Variants in NCOA1 observed in about 807,000 individuals in gnomAD.
NCOA1 encodes the protein Hin-2 protein.
Under a neutral mutation model 150.9 loss-of-function variants are expected in NCOA1, and 35 were observed. The ratio of observed to expected loss-of-function variants is 0.23; its 90% confidence interval spans 0.18 to 0.31. The LOEUF is 0.31. NCOA1 is among the 10% of genes least tolerant of loss of function. The pLI, the probability that NCOA1 is intolerant of heterozygous loss-of-function variation, is 1.00. For synonymous variants in NCOA1, 590 were observed against 630.0 expected, an observed-to-expected ratio of 0.94 and a Z score of 0.95; for missense variants, 1,491 against 1,749.3, an observed-to-expected ratio of 0.85 and a Z score of 2.63.
chr2:24,587,541 T>C (rs1286682083), intron 3 of NCOA1, among the ~76,000 whole-genome samples: 1 of 152,254 alleles, frequency 6.6e-6, no homozygotes, highest in South Asian at 2.1e-4. Flanking sequence ...TTCTTGTTCC[T>C]TGACTATTAT....
intron 22 of NCOA1, among the ~76,000 whole-genome samples, chr2:24,764,304 A>G (rs1346690034): frequency 1.3e-5 from 2 of 152,268 alleles, no homozygotes; most frequent in Non-Finnish European, 1.5e-5. Flanking sequence ...GCTGAAAGAT[A>G]AAACACATCA....
rs189919140 is a variant in NCOA1 at position 24,524,773 on chromosome 2, A to T, written c.-396+33171A>T. 2.7e-4 allele frequency among the ~76,000 whole-genome samples: 41 copies of T among 151,886 alleles called. 1 individual carries two copies. The East Asian group carries it at 5.2e-3, about 19-fold the overall frequency. ...CACGTACCCACCACAATGCCCAGCT[A>T]ATTTTTTGGTAATTTTGATAGAGAC... is the stretch of plus-strand genomic sequence containing the variant. On this transcript the variant is annotated intron_variant, in intron 1 of 22. Transcript: ENST00000348332.
At chr2:24,561,177 G>A (rs375453239) in intron 1 of NCOA1, among the ~76,000 whole-genome samples, 42 of 152,292 alleles carry the variant, frequency 2.8e-4, no homozygotes, top group African/African-American at 9.6e-4. Context: ...ATGTCTTTGT[G>A]TAAAGCATTG....
chr2:24,537,324 C>T (rs1665196533), intron 1 of NCOA1, among the ~76,000 whole-genome samples: 1 of 151,760 alleles, frequency 6.6e-6, no homozygotes, highest in African/African-American at 2.4e-5. Context: ...TGCCATTTGC[C>T]ACAACGGATG....
At chr2:24,615,227 TGAG>T (rs1668822319) in intron 3 of NCOA1, among the ~76,000 whole-genome samples, 2 of 152,154 alleles carry the variant, frequency 1.3e-5, no homozygotes, top group Non-Finnish European at 1.5e-5. Flanking sequence ...GTGTAGGTAT[TGAG>T]GAAGCAGAAT....
chr2:24,725,990 A>G (rs1213385197), intron 14 of NCOA1, among the ~76,000 whole-genome samples: 1 of 152,144 alleles, frequency 6.6e-6, no homozygotes, highest in Non-Finnish European at 1.5e-5. Context: ...GTTACAGAAA[A>G]ACGTTCTAAA....
At chr2:24,493,538 A>T (rs1311808234) in intron 1 of NCOA1, among the ~76,000 whole-genome samples, 1 of 152,050 alleles carries the variant, frequency 6.6e-6, no homozygotes, top group Admixed American at 6.6e-5. Flanking sequence ...GATTGTGCCT[A>T]TTAAATTGCT....
chr2:24,704,987 C>T, intron 11 of NCOA1, 99 bp from the exon 12 acceptor site: 2 of 1,245,862 alleles, frequency 1.6e-6, no homozygotes, highest in Non-Finnish European at 1.1e-6. Flanking sequence ...GTTGGGAGGG[C>T]CTTTAAAATG....
intron 1 of NCOA1, among the ~76,000 whole-genome samples, chr2:24,529,423 G>C: frequency 6.6e-6 from 1 of 152,278 alleles, no homozygotes; most frequent in African/African-American, 2.4e-5. Context: ...GAATTCTTGG[G>C]CATAAGTGAT....
At chr2:24,525,608 G>A (rs1378704876) in intron 1 of NCOA1, among the ~76,000 whole-genome samples, 2 of 151,102 alleles carry the variant, frequency 1.3e-5, no homozygotes, top group African/African-American at 4.9e-5. Context: ...GGGCAGTGGC[G>A]CGATTTTGGC....
At chr2:24,577,885 A>C (rs1319546426) in intron 2 of NCOA1, among the ~76,000 whole-genome samples, 2 of 152,202 alleles carry the variant, frequency 1.3e-5, no homozygotes, top group Non-Finnish European at 2.9e-5. Context: ...GTCTCTCTGA[A>C]AACATTTTCA....
chr2:24,696,890 TC>T (rs1456067572), intron 10 of NCOA1, among the ~76,000 whole-genome samples: 1 of 151,610 alleles, frequency 6.6e-6, no homozygotes, highest in Admixed American at 6.6e-5. Context: ...ATATATATAT[TC>T]TATATATATC....
At chr2:24,735,736 G>C (rs1663264361) in intron 17 of NCOA1, among the ~76,000 whole-genome samples, 1 of 152,088 alleles carries the variant, frequency 6.6e-6, no homozygotes, top group South Asian at 2.1e-4. Context: ...TTTTTAAAAA[G>C]AGCAACAAGA....
intron 3 of NCOA1, among the ~76,000 whole-genome samples, chr2:24,641,262 A>G (rs1316201192): frequency 6.6e-6 from 1 of 151,342 alleles, no homozygotes; most frequent in Non-Finnish European, 1.5e-5. Flanking sequence ...TATTATTGTA[A>G]TATAATTAAC....
At chr2:24,556,268 G>A (rs1021522688) in intron 1 of NCOA1, among the ~76,000 whole-genome samples, 1 of 152,146 alleles carries the variant, frequency 6.6e-6, no homozygotes, top group Admixed American at 6.5e-5. Flanking sequence ...CTGTTCTTGC[G>A]TTAGTTGCTG....
chr2:24,501,447 A>G (rs1663456818), intron 1 of NCOA1, among the ~76,000 whole-genome samples: 1 of 152,248 alleles, frequency 6.6e-6, no homozygotes, highest in Non-Finnish European at 1.5e-5. Flanking sequence ...TAACAATATT[A>G]GGAAAAGCAC....
chr2:24,662,075 T>C (rs564371245), intron 5 of NCOA1, among the ~76,000 whole-genome samples: 2 of 152,354 alleles, frequency 1.3e-5, no homozygotes, highest in African/African-American at 4.8e-5. Context: ...TATGGTAAAC[T>C]AAAAATGTAT....
At chr2:24,611,908 G>A (rs923698620) in intron 3 of NCOA1, among the ~76,000 whole-genome samples, 28 of 151,770 alleles carry the variant, frequency 1.8e-4, no homozygotes, top group Admixed American at 1.6e-3. Flanking sequence ...CATTTAAACC[G>A]TTTACATTCA....
intron 1 of NCOA1, among the ~76,000 whole-genome samples, chr2:24,530,174 T>C (rs568491895): frequency 6.6e-6 from 1 of 152,190 alleles, no homozygotes; most frequent in African/African-American, 2.4e-5. Flanking sequence ...TCTGAAAGAG[T>C]GTTGGACAAA....
Sources: gnomAD v4.1 joint callset for allele counts (sites outside exome capture counted in the v4.1 genomes callset) on GRCh38, gnomAD v4.1.1 for gene constraint, MANE v1.5 for transcripts, NCBI Gene and HGNC (gene_info 2026-07-23, HGNC 2026-07-21) for gene names.